The following TEKTL1 variants were observed in gnomAD, a reference collection of about 807,000 sequenced individuals.
The protein encoded by TEKTL1 is tektin like 1.
At chr19:15,017,330 T>A in the TEKTL1 span, among the ~76,000 whole-genome samples, 1 of 152,122 alleles carries the variant, frequency 6.6e-6, no homozygotes. Context: ...ATGTATGGCA[T>A]GATGGAAATA....
chr19:15,015,858 A>G, the TEKTL1 span, among the ~76,000 whole-genome samples: 3 of 152,184 alleles, frequency 2.0e-5, no homozygotes, highest in African/African-American at 7.2e-5. Context: ...CTATTTTACT[A>G]CAATAAAAAG....
the TEKTL1 span, chr19:15,010,995 A>C: frequency 6.3e-7 from 1 of 1,591,244 alleles, no homozygotes; most frequent in African/African-American, 1.3e-5. Flanking sequence ...CTGGACCCGA[A>C]CGTGGCCCAC....
At chr19:15,019,606 T>C in the TEKTL1 span, among the ~76,000 whole-genome samples, 2 of 152,172 alleles carry the variant, frequency 1.3e-5, no homozygotes, top group Non-Finnish European at 2.9e-5. Context: ...AGAATCATTT[T>C]TTCATAAGAT....
the TEKTL1 span, chr19:15,023,035 G>A: frequency 6.2e-6 from 10 of 1,612,570 alleles, no homozygotes; most frequent in Non-Finnish European, 8.5e-6. Context: ...AACCGCACGT[G>A]TGCTACGAGC....
At chr19:15,021,017 T>G in the TEKTL1 span, among the ~76,000 whole-genome samples, 3 of 151,928 alleles carry the variant, frequency 2.0e-5, no homozygotes, top group Non-Finnish European at 2.9e-5. Context: ...GCAGCTGGGA[T>G]TACAGGCGCC....
chr19:15,020,313 A>AC, the TEKTL1 span: 1 of 722,156 alleles, frequency 1.4e-6, no homozygotes, highest in Non-Finnish European at 2.2e-6. Flanking sequence ...GTCTCAAAAA[A>AC]AAAAAAAAAT....
chr19:15,018,055 G>T, the TEKTL1 span, among the ~76,000 whole-genome samples: 1 of 152,230 alleles, frequency 6.6e-6, no homozygotes, highest in Non-Finnish European at 1.5e-5. Flanking sequence ...AAAGGGTCAA[G>T]AATGGAGTGA....
the TEKTL1 span, chr19:15,010,774 C>T: frequency 6.8e-7 from 1 of 1,468,294 alleles, no homozygotes; most frequent in South Asian, 1.4e-5. Context: ...CTTTGGGGTC[C>T]CTTCCGCTCC....
At chr19:15,018,715 A>AATATATATATAT in the TEKTL1 span, among the ~76,000 whole-genome samples, 2,470 of 68,260 alleles carry the variant, frequency 0.036, 538 homozygotes, top group Non-Finnish European at 0.042. Context: ...CCTATCTCAA[A>AATATATATATAT]ATATGTATAT....
At chr19:15,014,377 C>A in the TEKTL1 span, among the ~76,000 whole-genome samples, 1 of 152,090 alleles carries the variant, frequency 6.6e-6, no homozygotes, top group East Asian at 1.9e-4. Flanking sequence ...TTCCCAGGCA[C>A]CAGGCTTGGC....
At chr19:15,021,439 G>A in the TEKTL1 span, 1 of 1,614,248 alleles carries the variant, frequency 6.2e-7, no homozygotes, top group Non-Finnish European at 8.5e-7. Flanking sequence ...CGAGGTGGAC[G>A]TCCGGGAGCA....
chr19:15,013,399 C>T, the TEKTL1 span, among the ~76,000 whole-genome samples: 1 of 152,172 alleles, frequency 6.6e-6, no homozygotes, highest in Admixed American at 6.5e-5. Flanking sequence ...AGTTGAGACA[C>T]CTTCATCTCA....
chr19:15,021,928 C>T, the TEKTL1 span: 15 of 1,608,206 alleles, frequency 9.3e-6, no homozygotes, highest in East Asian at 3.3e-4. Context: ...AGGTAAACCC[C>T]CTCCCCCGTA....
chr19:15,011,540 C>T, the TEKTL1 span: 17 of 633,976 alleles, frequency 2.7e-5, no homozygotes, highest in Non-Finnish European at 3.8e-5. Flanking sequence ...TCGAGACCAG[C>T]CTGACCAACA....
At chr19:15,021,571 C>T in the TEKTL1 span, 3 of 1,613,324 alleles carry the variant, frequency 1.9e-6, no homozygotes, top group Non-Finnish European at 2.5e-6. Flanking sequence ...GGAGGAGACG[C>T]GGACTGGGAG....
the TEKTL1 span, among the ~76,000 whole-genome samples, chr19:15,022,143 T>TC: frequency 2.0e-5 from 3 of 151,798 alleles, no homozygotes; most frequent in East Asian, 1.9e-4. Context: ...ACCCCTGTCC[T>TC]CCCCCCTCAC....
chr19:15,023,207 C>T, the TEKTL1 span: 5 of 1,160,484 alleles, frequency 4.3e-6, no homozygotes, highest in Non-Finnish European at 5.9e-6. Context: ...CCTCCCTCTC[C>T]CCTGACGCAC....
At chr19:15,021,227 C>T in the TEKTL1 span, 1 of 1,284,512 alleles carries the variant, frequency 7.8e-7, no homozygotes. Context: ...GCCCCCTGGA[C>T]TTTCACCCAG....
At chr19:15,023,039 T>C in the TEKTL1 span, 3 of 1,612,092 alleles carry the variant, frequency 1.9e-6, no homozygotes, top group East Asian at 4.5e-5. Flanking sequence ...GCACGTGTGC[T>C]ACGAGCAGGC....
Sources: allele counts gnomAD v4.1 joint callset (sites outside exome capture counted in the v4.1 genomes callset), GRCh38; gene constraint gnomAD v4.1.1; transcripts MANE v1.5; gene names NCBI Gene and HGNC (gene_info 2026-07-23, HGNC 2026-07-21).